Variants in STYXL1 observed in about 807,000 individuals in gnomAD.
STYXL1 encodes serine/threonine/tyrosine-interacting-like protein 1.
Under a neutral mutation model 36.4 loss-of-function variants are expected in STYXL1, and 32 were observed. The ratio of observed to expected loss-of-function variants is 0.88; its 90% CI spans 0.66 to 1.18. The LOEUF (loss-of-function observed/expected upper bound fraction) is 1.18. STYXL1 is among the 50% of genes most tolerant of loss of function. STYXL1 has a pLI of 0.00. For missense variants in STYXL1, 354 were observed against 394.1 expected (o/e 0.90, Z 0.86); for synonymous variants, 133 against 144.1 (o/e 0.92, Z 0.55).
intron 7 of STYXL1, among the ~76,000 whole-genome samples, chr7:76,002,266 A>G (rs1190931055): frequency 1.3e-5 from 2 of 152,212 alleles, no homozygotes; most frequent in African/African-American, 4.8e-5. Context: ...TGGCACAGAA[A>G]TATCAGCTCT....
chr7:76,021,698 A>G (rs1007678230), intron 4 of STYXL1, among the ~76,000 whole-genome samples, 153 bp downstream of exon 4: 1 of 152,126 alleles, frequency 6.6e-6, no homozygotes, highest in Admixed American at 6.5e-5. Flanking sequence ...CTCGGTATCC[A>G]GTGATCATGA....
At chr7:76,010,245 G>T (rs1344562352) in intron 5 of STYXL1, among the ~76,000 whole-genome samples, 2 of 143,480 alleles carry the variant, frequency 1.4e-5, no homozygotes, top group African/African-American at 5.2e-5. Flanking sequence ...GCTTATACTA[G>T]ACTGATTGTC....
chr7:76,007,291 T>C (rs1374476729), intron 5 of STYXL1, among the ~76,000 whole-genome samples: 4 of 152,002 alleles, frequency 2.6e-5, no homozygotes, highest in African/African-American at 9.7e-5. Flanking sequence ...CCAGGCATGA[T>C]GGTGCATGCC....
chr7:76,008,991 C>T (rs1313482322), intron 5 of STYXL1, among the ~76,000 whole-genome samples: 1 of 151,598 alleles, frequency 6.6e-6, no homozygotes, highest in East Asian at 1.9e-4. Flanking sequence ...AACAGAGATG[C>T]TATCTCAAAA....
At chr7:76,013,423 GTT>G (rs1792849153) in intron 5 of STYXL1, among the ~76,000 whole-genome samples, 45 of 146,944 alleles carry the variant, frequency 3.1e-4, no homozygotes, top group African/African-American at 1.1e-3. Flanking sequence ...TTTTTTGTTT[GTT>G]TTTGTTTTTG....
rs782584402 is a variant in STYXL1 at position 76,001,019 on chromosome 7, G to A, written c.698-17C>T. The A allele has an allele frequency of 6.2e-6, 10 of 1,604,958 alleles. No individual in the cohort carries two copies. Among genetic ancestry groups the A allele is most frequent in the Non-Finnish European group, 7.7e-6 (9 of 1,171,676 alleles). The stretch of plus-strand genomic sequence containing the variant: ...GGTGAATTTCTGCAAAAAGAAGTGG[G>A]GGGTTGGGTCATGCCTGGCCCTCCT... On this transcript the variant is annotated splice_polypyrimidine_tract_variant and intron_variant, in intron 7 of 8. Coordinates refer to ENST00000359697, the MANE Select transcript of STYXL1 (RefSeq NM_001317785.2).
At chr7:76,005,468 C>CTT in intron 5 of STYXL1, 64 bp from the exon 6 acceptor site, 1 of 1,474,352 alleles carries the variant, frequency 6.8e-7, no homozygotes, top group Non-Finnish European at 9.3e-7. Context: ...ATGTCTATCT[C>CTT]TTGAAACACA....
chr7:76,017,579 C>A (rs1177264785), intron 4 of STYXL1, among the ~76,000 whole-genome samples: 2 of 151,670 alleles, frequency 1.3e-5, no homozygotes, highest in Admixed American at 1.3e-4. Flanking sequence ...GAGAGAGGGA[C>A]AGGGGTTGAA....
At chr7:76,020,216 T>G (rs1043508401) in intron 4 of STYXL1, among the ~76,000 whole-genome samples, 37 of 152,116 alleles carry the variant, frequency 2.4e-4, no homozygotes, top group African/African-American at 8.9e-4. Flanking sequence ...AGGATGAGCT[T>G]AGGGAAGAAG....
At chr7:76,000,218 C>CAAAAA (rs35153306) in intron 8 of STYXL1, among the ~76,000 whole-genome samples, 13 of 69,454 alleles carry the variant, frequency 1.9e-4, no homozygotes, top group African/African-American at 4.4e-4. Flanking sequence ...GACTCCATCT[C>CAAAAA]AAAAAAAAAA....
In STYXL1 at chr7:76,035,526, C is replaced by T. The variant is rs940345395; in HGVS notation, c.-4-4999G>A. Among the ~76,000 whole-genome samples, 2 of 149,712 alleles carry T rather than the reference C, an allele frequency of 1.3e-5. 1 individual carries two copies. The highest frequency in any genetic ancestry group is 4.9e-5 in the African/African-American group (2 of 40,986). On this transcript the variant is annotated intron_variant, in intron 1 of 8. Coordinates refer to ENST00000359697, the MANE Select transcript of STYXL1 (RefSeq NM_001317785.2). ...TTGTCAGTTACCATTATGGCCTTTC[C>T]CAACACCGCCATCTGGACCTGCCAT...
chr7:76,030,724 A>T (rs571323387), intron 1 of STYXL1, among the ~76,000 whole-genome samples, 197 bp from the exon 2 acceptor site: 2 of 151,886 alleles, frequency 1.3e-5, no homozygotes, highest in Non-Finnish European at 2.9e-5. Flanking sequence ...TAAATACAAC[A>T]TATCTAGCCA....
At chr7:76,002,889 A>T (rs1417973869) in intron 7 of STYXL1, among the ~76,000 whole-genome samples, 1 of 152,008 alleles carries the variant, frequency 6.6e-6, no homozygotes, top group African/African-American at 2.4e-5. Context: ...GTGCCACTAC[A>T]CTCCAGCCTG....
intron 1 of STYXL1, among the ~76,000 whole-genome samples, chr7:76,033,971 G>T (rs1795670561): frequency 6.6e-6 from 1 of 152,086 alleles, no homozygotes; most frequent in South Asian, 2.1e-4. Context: ...GAATAATATT[G>T]CCACTTCTAT....
At chr7:76,004,973 T>C (rs900894649) in intron 6 of STYXL1, among the ~76,000 whole-genome samples, 12 of 151,852 alleles carry the variant, frequency 7.9e-5, no homozygotes, top group African/African-American at 2.2e-4. Flanking sequence ...TGCACTCCAG[T>C]CTGGGTGACA....
intron 1 of STYXL1, chr7:76,045,216 C>T (rs925342205): frequency 2.6e-5 from 4 of 152,366 alleles, no homozygotes; most frequent in Middle Eastern, 3.4e-3. Context: ...AGACTTCTCC[C>T]ACACTGGCCC....
At position 76,018,149 on chromosome 7, in the gene STYXL1, G is replaced by A. The variant is rs540802128; in HGVS notation, c.307+3702C>T. Among the ~76,000 whole-genome samples the A allele has an allele frequency of 2.0e-5, 3 of 151,940 alleles. 1 individual carries two copies. In the South Asian group the frequency reaches 6.2e-4, roughly 32 times the overall value. On this transcript the variant is annotated intron_variant, in intron 4 of 8. Coordinates refer to ENST00000359697, the MANE Select transcript of STYXL1 (RefSeq NM_001317785.2). ...CTCAAAGTGCTGGGACTACAGGTGT[G>A]AGCGACAGTGCCCGGCCTAATTTTA... is the stretch of plus-strand genomic sequence containing the variant.
rs1211583107 is a variant in STYXL1 at position 76,000,873 on chromosome 7, G to A, written c.810+17C>T. 2 of 1,610,058 alleles carry A rather than the reference G, an allele frequency of 1.2e-6. No individual in the cohort carries two copies. Among genetic ancestry groups the A allele is most frequent in the African/African-American group, 1.3e-5 (1 of 74,950 alleles). On this transcript the variant is annotated intron_variant, in intron 8 of 8. Transcript: ENST00000359697. ...AGGGGGTGGCCGTGGTGCGAGCCTG[G>A]CCCGGGGAACGCATACCTGCAAGGT... is the stretch of plus-strand genomic sequence containing the variant.
At chr7:76,014,995 C>T (rs991538547) in intron 4 of STYXL1, among the ~76,000 whole-genome samples, 1 of 152,010 alleles carries the variant, frequency 6.6e-6, no homozygotes, top group Non-Finnish European at 1.5e-5. Context: ...ATCTATAATC[C>T]CAGAACCTTG....
Sources: allele counts gnomAD v4.1 joint callset (sites outside exome capture counted in the v4.1 genomes callset), GRCh38; gene constraint gnomAD v4.1.1; transcripts MANE v1.5; gene names NCBI Gene and HGNC (gene_info 2026-07-23, HGNC 2026-07-21).